Variants in AFF2 observed in about 807,000 individuals in gnomAD.
The protein encoded by AFF2 is ALF transcription elongation factor 2, also known as AF4/FMR2 family member 2.
A neutral mutation model predicts 76.9 loss-of-function variants in AFF2; 14 were observed. The ratio of observed to expected loss-of-function variants is 0.18; its 90% CI spans 0.12 to 0.28. The LOEUF is 0.28. Ranked by LOEUF, AFF2 falls within the 10% of genes least tolerant of loss-of-function variation. The pLI is 1.00. For missense variants in AFF2, 868 were observed against 1,001.1 expected, an observed-to-expected ratio of 0.87 and a Z score of 1.79; for synonymous variants, 398 against 366.7, an observed-to-expected ratio of 1.09 and a Z score of -0.98.
chrX:148,936,168 T>C (rs1326991864), intron 9 of AFF2, among the ~76,000 whole-genome samples: 1 of 111,213 alleles, frequency 9.0e-6, no homozygotes. Flanking sequence ...GTTTCCAAAT[T>C]ATTTATACTC....
Position 148,682,264 on chromosome X carries a change from T to G in AFF2, c.1041+19496T>G, listed in dbSNP as rs782756755. On this transcript the variant is annotated intron_variant, in intron 3 of 20. Coordinates refer to ENST00000370460, the MANE Select transcript of AFF2 (RefSeq NM_002025.4). ...GCCCTTCCATTCAGCTTTTCATTGC[T>G]TTGCAGTTATTTTCTCCAAAATAAA... Among the ~76,000 whole-genome samples, 72 of 112,173 alleles carry G rather than the reference T, an allele frequency of 6.4e-4. 1 individual carries two copies. The highest frequency in any genetic ancestry group is 2.6e-4 in the Non-Finnish European group (14 of 53,242).
intron 4 of AFF2, among the ~76,000 whole-genome samples, chrX:148,826,889 TA>T (rs1466349829): frequency 1.8e-5 from 2 of 111,442 alleles, no homozygotes; most frequent in African/African-American, 6.5e-5. Context: ...TTGATGTTGT[TA>T]AATTCAGACT....
At chrX:148,788,037 C>T (rs1227353996) in intron 3 of AFF2, among the ~76,000 whole-genome samples, 1 of 111,499 alleles carries the variant, frequency 9.0e-6, no homozygotes, top group Non-Finnish European at 1.9e-5. Context: ...TTTTCATTTT[C>T]AGCTTCCAGG....
intron 5 of AFF2, among the ~76,000 whole-genome samples, chrX:148,840,501 A>G (rs2070585992): frequency 8.9e-6 from 1 of 112,260 alleles, no homozygotes; most frequent in Non-Finnish European, 1.9e-5. Flanking sequence ...CCCTTGCTCT[A>G]TAATCTAGAT....
At chrX:148,708,304 C>G (rs1262712935) in intron 3 of AFF2, among the ~76,000 whole-genome samples, 1 of 111,775 alleles carries the variant, frequency 8.9e-6, no homozygotes, top group Non-Finnish European at 1.9e-5. Flanking sequence ...GGAGCTAAAT[C>G]AAAGATTTAA....
chrX:148,940,530 C>G (rs782028406), intron 9 of AFF2, among the ~76,000 whole-genome samples: 2 of 111,931 alleles, frequency 1.8e-5, no homozygotes, highest in African/African-American at 6.5e-5. Flanking sequence ...AATAACAAAA[C>G]CAAACATCCT....
intron 3 of AFF2, among the ~76,000 whole-genome samples, chrX:148,708,347 C>G (rs1204918446): frequency 1.8e-5 from 2 of 111,862 alleles, no homozygotes; most frequent in Admixed American, 9.5e-5. Flanking sequence ...GAGACAACTA[C>G]TCACATGTAC....
At chrX:148,747,084 A>T (rs1357349511) in intron 3 of AFF2, among the ~76,000 whole-genome samples, 2 of 111,779 alleles carry the variant, frequency 1.8e-5, no homozygotes, top group African/African-American at 6.5e-5. Flanking sequence ...AGCTCTCCTG[A>T]CTCACACACC....
chrX:148,778,211 C>T (rs782198082), intron 3 of AFF2, among the ~76,000 whole-genome samples: 6 of 110,869 alleles, frequency 5.4e-5, no homozygotes, highest in Admixed American at 3.8e-4. Flanking sequence ...CCGACTTGAT[C>T]GTGGTGGATA....
chrX:148,811,883 A>G (rs2070206985), intron 4 of AFF2, among the ~76,000 whole-genome samples: 1 of 112,104 alleles, frequency 8.9e-6, no homozygotes, highest in Admixed American at 9.4e-5. Flanking sequence ...CACAAAAGAT[A>G]ACATGCTTTG....
intron 1 of AFF2, among the ~76,000 whole-genome samples, chrX:148,650,808 G>A (rs913201087): frequency 3.6e-5 from 4 of 111,666 alleles, no homozygotes; most frequent in African/African-American, 6.5e-5. Context: ...TTAAGGTTTC[G>A]GATATAGTCA....
chrX:148,705,227 C>G (rs2054867830), intron 3 of AFF2, among the ~76,000 whole-genome samples: 1 of 111,893 alleles, frequency 8.9e-6, no homozygotes. Flanking sequence ...AACACAGTAT[C>G]ATTTACACAG....
intron 3 of AFF2, among the ~76,000 whole-genome samples, chrX:148,748,411 C>G (rs1448527342): frequency 8.9e-6 from 1 of 112,111 alleles, no homozygotes; most frequent in Non-Finnish European, 1.9e-5. Flanking sequence ...CAGCGTGCAG[C>G]CATGAGTGTG....
chrX:148,526,366 G>GTT (rs34179499), intron 1 of AFF2, among the ~76,000 whole-genome samples: 123 of 62,630 alleles, frequency 2.0e-3, no homozygotes, highest in African/African-American at 2.4e-3. Context: ...ATACAATCTT[G>GTT]TTTTTTTTTT....
chrX:148,868,632 G>A (rs2070935879), intron 7 of AFF2, among the ~76,000 whole-genome samples: 1 of 112,245 alleles, frequency 8.9e-6, no homozygotes, highest in Non-Finnish European at 1.9e-5. Context: ...TAGTCAATTT[G>A]TACTGCTATA....
At chrX:148,615,506 T>C (rs1557250201) in intron 1 of AFF2, among the ~76,000 whole-genome samples, 1 of 111,916 alleles carries the variant, frequency 8.9e-6, no homozygotes. Context: ...TTCCCATCTC[T>C]TTTCTATTCG....
intron 3 of AFF2, among the ~76,000 whole-genome samples, chrX:148,748,140 C>T (rs1441337960): frequency 2.7e-5 from 3 of 112,040 alleles, no homozygotes; most frequent in Non-Finnish European, 3.8e-5. Flanking sequence ...ATCTGCCTTT[C>T]TGCAGATAGC....
intron 8 of AFF2, 71 bp downstream of exon 8, chrX:148,886,056 C>A: frequency 2.4e-6 from 2 of 821,903 alleles, no homozygotes; most frequent in African/African-American, 2.0e-5. Flanking sequence ...CTTTGACATG[C>A]TTTGACATGC....
intron 3 of AFF2, among the ~76,000 whole-genome samples, chrX:148,721,461 G>A (rs185964552): frequency 7.7e-4 from 86 of 111,844 alleles, no homozygotes; most frequent in Middle Eastern, 9.2e-3. Context: ...AAATCATTGT[G>A]CGGATAACAT....
Sources: gnomAD v4.1 joint callset for allele counts (sites outside exome capture counted in the v4.1 genomes callset) on GRCh38, gnomAD v4.1.1 for gene constraint, MANE v1.5 for transcripts, NCBI Gene and HGNC (gene_info 2026-07-23, HGNC 2026-07-21) for gene names.